WDR59: variants seen among roughly 807,000 people sequenced by gnomAD.
WDR59 encodes GATOR2 complex protein WDR59.
Under a neutral mutation model 131.2 loss-of-function variants are expected in WDR59, and 100 were observed. The observed-to-expected ratio is 0.76, with a 90% CI of 0.65 to 0.90. The LOEUF is 0.90. WDR59 is among the 40% of genes least tolerant of loss of function. The pLI is 0.00. For missense variants in WDR59, 1,203 were observed against 1,262.2 expected (o/e 0.95, Z 0.71); for synonymous variants, 601 against 466.2 (o/e 1.29, Z -3.72).
intron 1 of WDR59, among the ~76,000 whole-genome samples, chr16:74,973,879 A>G (rs1032521518): frequency 2.0e-5 from 3 of 151,732 alleles, no homozygotes; most frequent in African/African-American, 7.3e-5. Flanking sequence ...CTACTAAAAC[A>G]CAAAAATTGG....
At chr16:74,899,924 C>A (rs1372860359) in intron 18 of WDR59, among the ~76,000 whole-genome samples, 2 of 152,208 alleles carry the variant, frequency 1.3e-5, no homozygotes, top group East Asian at 3.9e-4. Flanking sequence ...AACCTAAGCA[C>A]AGCGGAATTC....
rs561757248 is a variant in WDR59, at chr16:74,919,255, G to T, written c.887-1247C>A. Among the ~76,000 whole-genome samples, 5 of 151,786 alleles carry T rather than the reference G, an allele frequency of 3.3e-5. No individual in the cohort carries two copies. In the East Asian group the frequency reaches 9.7e-4, roughly 29 times the overall value. On this transcript the variant is annotated intron_variant, in intron 10 of 25. Coordinates refer to ENST00000262144, the MANE Select transcript of WDR59 (RefSeq NM_030581.4). Reference sequence around the variant, plus strand: ...AGGGTTACTTCATTCACTAAAACCGGTTCCTGCTGCCCCTGTTCATGCCAC... The same window carrying T: ...AGGGTTACTTCATTCACTAAAACCGTTTCCTGCTGCCCCTGTTCATGCCAC...
intron 25 of WDR59, among the ~76,000 whole-genome samples, chr16:74,880,243 C>A (rs1437934572): frequency 1.3e-5 from 2 of 151,986 alleles, no homozygotes; most frequent in South Asian, 4.1e-4. Context: ...GTCAGGAGAT[C>A]GAGACCATCC....
intron 1 of WDR59, among the ~76,000 whole-genome samples, chr16:74,982,255 A>C (rs1407501147): frequency 1.3e-5 from 2 of 152,038 alleles, no homozygotes; most frequent in East Asian, 3.9e-4. Flanking sequence ...TTAACAAAAT[A>C]GTTAATAAAA....
chr16:74,874,785 T>C (rs1964127056), intron 25 of WDR59, among the ~76,000 whole-genome samples: 1 of 152,180 alleles, frequency 6.6e-6, no homozygotes, highest in Admixed American at 6.5e-5. Flanking sequence ...GAGACGGGGT[T>C]TCGCCATGTT....
At chr16:74,967,827 C>T (rs895853104) in intron 1 of WDR59, among the ~76,000 whole-genome samples, 2 of 146,380 alleles carry the variant, frequency 1.4e-5, no homozygotes, top group Non-Finnish European at 3.0e-5. Context: ...CACTGCACTC[C>T]AGCTTGGGCA....
intron 8 of WDR59, among the ~76,000 whole-genome samples, chr16:74,925,406 T>C (rs2030680577): frequency 6.6e-6 from 1 of 151,938 alleles, no homozygotes; most frequent in African/African-American, 2.4e-5. Flanking sequence ...TAGCTGGGCA[T>C]GGTGGCACAC....
At chr16:74,877,323 A>T (rs1964263097) in intron 25 of WDR59, among the ~76,000 whole-genome samples, 1 of 152,192 alleles carries the variant, frequency 6.6e-6, no homozygotes, top group African/African-American at 2.4e-5. Context: ...GAAAAAAACA[A>T]CAATTCCAAA....
chr16:74,884,346 T>C (rs937197658), intron 25 of WDR59, among the ~76,000 whole-genome samples: 1 of 152,194 alleles, frequency 6.6e-6, no homozygotes, highest in South Asian at 2.1e-4. Context: ...TTGGATACAA[T>C]TGAAATTCTT....
chr16:74,879,798 T>C (rs1285715501), intron 25 of WDR59, among the ~76,000 whole-genome samples: 2 of 152,178 alleles, frequency 1.3e-5, no homozygotes, highest in African/African-American at 4.8e-5. Context: ...AAATATCATA[T>C]GTTGATTAAC....
intron 2 of WDR59, among the ~76,000 whole-genome samples, chr16:74,962,004 A>G (rs577467762): frequency 6.6e-6 from 1 of 152,306 alleles, no homozygotes; most frequent in East Asian, 1.9e-4. Context: ...CATTTTCTGC[A>G]TATGGCTAGC....
At chr16:74,882,413 C>T (rs189210266) in intron 25 of WDR59, among the ~76,000 whole-genome samples, 18 of 152,174 alleles carry the variant, frequency 1.2e-4, no homozygotes, top group East Asian at 3.9e-4. Flanking sequence ...ACTACCTAAA[C>T]CTACGTATTA....
At chr16:74,963,941 G>C (rs1394761461) in intron 2 of WDR59, among the ~76,000 whole-genome samples, 1 of 150,642 alleles carries the variant, frequency 6.6e-6, no homozygotes, top group African/African-American at 2.4e-5. Context: ...GAGAGAGAGA[G>C]AATATGAAAT....
At chr16:74,918,195 T>C (rs1403705012) in intron 10 of WDR59, among the ~76,000 whole-genome samples, 187 bp from the exon 11 acceptor site, 1 of 152,220 alleles carries the variant, frequency 6.6e-6, no homozygotes, top group Non-Finnish European at 1.5e-5. Flanking sequence ...TTTATAGATC[T>C]CGCATTCCAG....
chr16:74,906,186 C>T (rs539019555), intron 17 of WDR59, among the ~76,000 whole-genome samples: 48 of 151,354 alleles, frequency 3.2e-4, no homozygotes, highest in Non-Finnish European at 6.0e-4. Context: ...TGGTGGCGGG[C>T]GCCTATAGGC....
chr16:74,978,210 C>G (rs2034264920), intron 1 of WDR59, among the ~76,000 whole-genome samples: 1 of 151,556 alleles, frequency 6.6e-6, no homozygotes, highest in African/African-American at 2.4e-5. Flanking sequence ...GTAATCCCAG[C>G]TACTCAGGAG....
chr16:74,886,206 G>A (rs964922112), intron 24 of WDR59, 64 bp downstream of exon 24: 3 of 1,212,458 alleles, frequency 2.5e-6, no homozygotes, highest in East Asian at 2.3e-5. Flanking sequence ...AGTTGTGATT[G>A]TGGAGAAACT....
At chr16:74,981,657 T>C (rs1201774007) in intron 1 of WDR59, among the ~76,000 whole-genome samples, 29 of 14,512 alleles carry the variant, frequency 2.0e-3, no homozygotes, top group East Asian at 3.3e-3. Context: ...TATATATATA[T>C]ATATTTTTTT....
chr16:74,918,193 T>A (rs149880556), intron 10 of WDR59, among the ~76,000 whole-genome samples, 185 bp from the exon 11 acceptor site: 1 of 152,178 alleles, frequency 6.6e-6, no homozygotes, highest in Non-Finnish European at 1.5e-5. Flanking sequence ...TCTTTATAGA[T>A]CTCGCATTCC....
Sources: allele counts gnomAD v4.1 joint callset (sites outside exome capture counted in the v4.1 genomes callset), GRCh38; gene constraint gnomAD v4.1.1; transcripts MANE v1.5; gene names NCBI Gene and HGNC (gene_info 2026-07-23, HGNC 2026-07-21).